Variants in ZNF536 observed in about 807,000 individuals in gnomAD.
ZNF536 encodes zinc finger protein 536.
A neutral mutation model predicts 84.5 loss-of-function variants in ZNF536; 13 were observed. The observed-to-expected ratio is 0.15, with a 90% CI of 0.10 to 0.24. The LOEUF is 0.24. Among genes scored for constraint, ZNF536 ranks in the 10% least tolerant of loss-of-function variants. The pLI is 1.00. For missense variants in ZNF536, 1,536 were observed against 1,747.5 expected (o/e 0.88, Z 2.16); for synonymous variants, 811 against 742.5 (o/e 1.09, Z -1.50).
rs934747842 is a variant in ZNF536 at position 30,576,792 on chromosome 19, T to A, written c.169+27278T>A. 2.6e-5 allele frequency among the ~76,000 whole-genome samples: 4 copies of A among 152,212 alleles called. No homozygotes were observed. The East Asian group carries it at 7.7e-4, about 29-fold the overall frequency. On this transcript the variant is annotated intron_variant, in intron 1 of 1. Transcript: ENST00000592773. ...GAGGCTTTCTTGTCCTGGGCAATGC[T>A]TTCAGCAACTCAGCCGTCTTCCAAG...
chr19:30,677,629 C>A (rs763184607), intron 1 of ZNF536, among the ~76,000 whole-genome samples: 1 of 152,250 alleles, frequency 6.6e-6, no homozygotes, highest in Non-Finnish European at 1.5e-5. Context: ...CTAGCTCTGA[C>A]CCCTGCATGC....
At chr19:30,419,590 T>C (rs1199016405) in intron 1 of ZNF536, among the ~76,000 whole-genome samples, 1 of 152,150 alleles carries the variant, frequency 6.6e-6, no homozygotes, top group Non-Finnish European at 1.5e-5. Context: ...AAACGATAAA[T>C]GTTGCTTCGC....
intron 2 of ZNF536, among the ~76,000 whole-genome samples, chr19:30,515,744 C>T (rs968096222): frequency 3.9e-5 from 6 of 152,098 alleles, no homozygotes; most frequent in African/African-American, 1.2e-4. Flanking sequence ...CTAGGCCAGG[C>T]GTGGTGGCTC....
chr19:30,514,194 TC>T (rs2055537998), intron 2 of ZNF536, among the ~76,000 whole-genome samples: 1 of 152,196 alleles, frequency 6.6e-6, no homozygotes, highest in Non-Finnish European at 1.5e-5. Flanking sequence ...ACACACCCCT[TC>T]TACTAGCCTC....
chr19:30,309,765 A>G (rs1217421826), intron 2 of ZNF536, among the ~76,000 whole-genome samples: 1 of 152,198 alleles, frequency 6.6e-6, no homozygotes, highest in African/African-American at 2.4e-5. Context: ...TAAGTTTATT[A>G]AGGGTGGAAC....
At chr19:30,500,407 G>A (rs544801580) in intron 2 of ZNF536, among the ~76,000 whole-genome samples, 12 of 152,354 alleles carry the variant, frequency 7.9e-5, no homozygotes, top group Admixed American at 2.6e-4. Flanking sequence ...TAGAATCTCA[G>A]CAGGATGCAG....
chr19:30,446,178 G>A (rs575625198), intron 2 of ZNF536, among the ~76,000 whole-genome samples: 26 of 147,220 alleles, frequency 1.8e-4, no homozygotes, highest in East Asian at 4.1e-4. Flanking sequence ...GAGCCCGGGA[G>A]GGGGAGGCTG....
intron 2 of ZNF536, among the ~76,000 whole-genome samples, chr19:30,473,316 C>A (rs963497622): frequency 6.6e-6 from 1 of 152,044 alleles, no homozygotes; most frequent in Non-Finnish European, 1.5e-5. Flanking sequence ...TACAGTTCCC[C>A]CTAGAAATTA....
intron 2 of ZNF536, among the ~76,000 whole-genome samples, chr19:30,348,116 T>C (rs1265702265): frequency 6.6e-6 from 1 of 152,256 alleles, no homozygotes; most frequent in Non-Finnish European, 1.5e-5. Context: ...ATTCCTTCAA[T>C]CATCTTTCTA....
At chr19:30,653,287 G>A (rs1312255213) in intron 1 of ZNF536, among the ~76,000 whole-genome samples, 1 of 152,154 alleles carries the variant, frequency 6.6e-6, no homozygotes, top group Non-Finnish European at 1.5e-5. Flanking sequence ...TGCTGATCCA[G>A]AGACCACACA....
At position 30,496,001 on chromosome 19, in the gene ZNF536, G is replaced by A. The variant is rs1364254301; in HGVS notation, c.2171-38846G>A. Among the ~76,000 whole-genome samples the A allele has an allele frequency of 3.9e-5, 6 of 152,308 alleles. No homozygotes were observed. In the South Asian group the frequency reaches 1.0e-3, roughly 26 times the overall value. On this transcript the variant is annotated intron_variant, in intron 2 of 4. Transcript: ENST00000355537. ...CTTGTACTGCAACAGCCTCCATAAT[G>A]ATGCCAGGGTGTATTCAGTGCCTGG...
chr19:30,459,936 AT>A (rs1377885300), intron 2 of ZNF536, among the ~76,000 whole-genome samples: 1 of 152,150 alleles, frequency 6.6e-6, no homozygotes, highest in African/African-American at 2.4e-5. Context: ...AACTACAATT[AT>A]AACCACAGAG....
At chr19:30,620,877 A>G (rs970854537) in intron 1 of ZNF536, among the ~76,000 whole-genome samples, 2 of 152,174 alleles carry the variant, frequency 1.3e-5, no homozygotes, top group Admixed American at 6.5e-5. Context: ...CTGGCAAAAA[A>G]AAAAAAATTG....
intron 1 of ZNF536, among the ~76,000 whole-genome samples, chr19:30,650,880 C>T (rs1878858073): frequency 6.6e-6 from 1 of 152,170 alleles, no homozygotes; most frequent in African/African-American, 2.4e-5. Flanking sequence ...AGCATACTGT[C>T]AGAGCAGAAG....
chr19:30,234,925 T>C (rs1288718854), intron 1 of ZNF536, among the ~76,000 whole-genome samples: 1 of 152,100 alleles, frequency 6.6e-6, no homozygotes, highest in Admixed American at 6.5e-5. Context: ...TCCCATAAAT[T>C]TGAAGGAGAG....
At chr19:30,302,906 T>TA (rs1311506931) in intron 2 of ZNF536, among the ~76,000 whole-genome samples, 2 of 152,154 alleles carry the variant, frequency 1.3e-5, no homozygotes, top group African/African-American at 4.8e-5. Context: ...GTGGTGGCCT[T>TA]ACGTCCTTCA....
chr19:30,322,892 G>A (rs1366655199), intron 2 of ZNF536, among the ~76,000 whole-genome samples: 2 of 152,168 alleles, frequency 1.3e-5, no homozygotes, highest in African/African-American at 4.8e-5. Context: ...TCCTGGAAAG[G>A]CTGGGCACCT....
chr19:30,360,266 G>C (rs1359089730), intron 3 of ZNF536, among the ~76,000 whole-genome samples: 1 of 152,196 alleles, frequency 6.6e-6, no homozygotes, highest in Non-Finnish European at 1.5e-5. Context: ...CTTGATTTCT[G>C]TACTCTCCCT....
At chr19:30,684,853 CT>C (rs899741523) in intron 1 of ZNF536, among the ~76,000 whole-genome samples, 1 of 152,198 alleles carries the variant, frequency 6.6e-6, no homozygotes, top group Non-Finnish European at 1.5e-5. Context: ...GCCAAGGGCC[CT>C]TACCAAGCCT....
Sources: gnomAD v4.1 joint callset for allele counts (sites outside exome capture counted in the v4.1 genomes callset) on GRCh38, gnomAD v4.1.1 for gene constraint, MANE v1.5 for transcripts, NCBI Gene and HGNC (gene_info 2026-07-23, HGNC 2026-07-21) for gene names.